BABAM2: variants seen among roughly 807,000 people sequenced by gnomAD.
The protein encoded by BABAM2 is BRISC and BRCA1 A complex member 2.
BABAM2 carries 31 observed loss-of-function variants against 54.7 expected under a neutral mutation model. The ratio of observed to expected loss-of-function variants is 0.57; its 90% CI spans 0.43 to 0.77. The LOEUF is 0.77. Ranked by LOEUF, BABAM2 falls within the 30% of genes least tolerant of loss-of-function variation. The probability of loss-of-function intolerance (pLI) is 0.00; values close to 1 mark genes in which losing one functional copy is unlikely to be tolerated. For missense variants in BABAM2, 364 were observed against 455.8 expected (o/e 0.80, Z 1.83); for synonymous variants, 167 against 162.9 (o/e 1.03, Z -0.19).
At chr2:28,047,251 G>A (rs929021092) in intron 6 of BABAM2, among the ~76,000 whole-genome samples, 1 of 152,108 alleles carries the variant, frequency 6.6e-6, no homozygotes, top group Non-Finnish European at 1.5e-5. Flanking sequence ...TGATAACCAA[G>A]CATAATTAAT....
chr2:28,067,679 G>A (rs183066005), intron 6 of BABAM2, among the ~76,000 whole-genome samples: 11 of 152,250 alleles, frequency 7.2e-5, no homozygotes, highest in African/African-American at 2.6e-4. Flanking sequence ...AAACAGTCAA[G>A]GTACAAAGTG....
chr2:28,223,045 A>G (rs1680561682), intron 7 of BABAM2, among the ~76,000 whole-genome samples: 1 of 152,230 alleles, frequency 6.6e-6, no homozygotes, highest in Non-Finnish European at 1.5e-5. Flanking sequence ...TTTTAAAAGT[A>G]AAAGATGCAG....
At chr2:28,206,616 T>A (rs1318448606) in intron 7 of BABAM2, among the ~76,000 whole-genome samples, 1 of 152,188 alleles carries the variant, frequency 6.6e-6, no homozygotes, top group African/African-American at 2.4e-5. Context: ...CCAAGTCTTG[T>A]GTCTTTCCTT....
intron 6 of BABAM2, among the ~76,000 whole-genome samples, chr2:28,060,915 A>G (rs1351026841): frequency 6.6e-6 from 1 of 152,246 alleles, no homozygotes; most frequent in Non-Finnish European, 1.5e-5. Context: ...ATTGGCATAT[A>G]GATCTGGCAC....
chr2:27,970,938 T>C (rs780282803), intron 3 of BABAM2, among the ~76,000 whole-genome samples: 7 of 152,168 alleles, frequency 4.6e-5, no homozygotes, highest in Non-Finnish European at 1.0e-4. Context: ...TCTTCATGGC[T>C]GTATTCAGTT....
At chr2:28,335,227 G>A (rs541646513) in intron 11 of BABAM2, among the ~76,000 whole-genome samples, 25 of 141,304 alleles carry the variant, frequency 1.8e-4, no homozygotes, top group African/African-American at 5.9e-4. Context: ...GCCATGGTGC[G>A]GACGTGATCT....
At chr2:28,026,054 A>C (rs1474518976) in intron 5 of BABAM2, among the ~76,000 whole-genome samples, 1 of 151,720 alleles carries the variant, frequency 6.6e-6, no homozygotes. Flanking sequence ...ACCAGTTAGA[A>C]TGGCCATAAT....
At chr2:27,966,707 G>A (rs781018390) in intron 3 of BABAM2, among the ~76,000 whole-genome samples, 55 of 152,340 alleles carry the variant, frequency 3.6e-4, no homozygotes, top group Admixed American at 1.0e-3. Context: ...CTGGCTGGCC[G>A]TAGTGAGTTG....
intron 6 of BABAM2, among the ~76,000 whole-genome samples, chr2:28,046,331 G>T (rs1677569135): frequency 6.6e-6 from 1 of 152,066 alleles, no homozygotes; most frequent in Non-Finnish European, 1.5e-5. Flanking sequence ...ATGGTGGCAG[G>T]CTCCTATAAT....
chr2:28,113,835 G>T (rs1406817409), intron 6 of BABAM2, among the ~76,000 whole-genome samples: 2 of 152,030 alleles, frequency 1.3e-5, no homozygotes, highest in South Asian at 2.1e-4. Context: ...TTGAGCAATG[G>T]TTTGTAGTTC....
intron 6 of BABAM2, among the ~76,000 whole-genome samples, chr2:28,112,197 C>T (rs12994832): frequency 0.11 from 2,906 of 25,416 alleles, 689 homozygotes; most frequent in South Asian, 0.26. Flanking sequence ...CTCCCTCCCT[C>T]CCTTCCTTCC....
At chr2:28,160,331 A>T (rs1286210772) in intron 7 of BABAM2, among the ~76,000 whole-genome samples, 1 of 152,162 alleles carries the variant, frequency 6.6e-6, no homozygotes, top group Non-Finnish European at 1.5e-5. Context: ...CATGGAGCTT[A>T]GTGTATGGTT....
intron 4 of BABAM2, chr2:28,015,988 G>A: frequency 1.7e-6 from 1 of 594,440 alleles, no homozygotes; most frequent in South Asian, 1.6e-5. Flanking sequence ...TTCTTTCTCA[G>A]TTGCATCTTT....
At position 27,907,518 on chromosome 2, in the gene BABAM2, TGTG is replaced by T. The variant is rs375959568; in HGVS notation, c.128+12837_128+12839del. On this transcript the variant is annotated intron_variant, in intron 2 of 11. Transcript: ENST00000379624. ...GGGCTTGGCACATTATGTTTTATAA[TGTG>T]GTAAAATATACATAACATAAATTTA... Among the ~76,000 whole-genome samples, 995 of 152,314 alleles carry T rather than the reference TGTG, an allele frequency of 6.5e-3. 8 individuals are homozygous for T. The highest frequency in any genetic ancestry group is 0.023 in the African/African-American group (946 of 41,572).
At chr2:28,321,770 A>T (rs1165843421) in intron 11 of BABAM2, among the ~76,000 whole-genome samples, 1 of 151,820 alleles carries the variant, frequency 6.6e-6, no homozygotes, top group Non-Finnish European at 1.5e-5. Flanking sequence ...CTAGCTTTTT[A>T]AAAATAAACT....
At chr2:27,904,165 A>G (rs1480464229) in intron 2 of BABAM2, among the ~76,000 whole-genome samples, 3 of 152,216 alleles carry the variant, frequency 2.0e-5, no homozygotes, top group Non-Finnish European at 2.9e-5. Flanking sequence ...TCAGAACAGC[A>G]TGCAATTTAA....
chr2:28,102,238 G>A (rs1272324441), intron 6 of BABAM2, among the ~76,000 whole-genome samples: 2 of 152,134 alleles, frequency 1.3e-5, no homozygotes, highest in Admixed American at 6.5e-5. Flanking sequence ...ACTGTGCTTG[G>A]GTAATACATG....
intron 4 of BABAM2, among the ~76,000 whole-genome samples, chr2:27,998,718 C>T (rs1428483774): frequency 6.6e-6 from 1 of 152,076 alleles, no homozygotes; most frequent in Non-Finnish European, 1.5e-5. Flanking sequence ...CCATCTTTCC[C>T]CTTACTGTGA....
At chr2:28,261,822 A>T (rs1343553597) in intron 10 of BABAM2, among the ~76,000 whole-genome samples, 4 of 128,928 alleles carry the variant, frequency 3.1e-5, no homozygotes, top group African/African-American at 1.2e-4. Flanking sequence ...TCCAGACCTG[A>T]CCTATGCAAT....
Sources: allele counts gnomAD v4.1 joint callset (sites outside exome capture counted in the v4.1 genomes callset), GRCh38; gene constraint gnomAD v4.1.1; transcripts MANE v1.5; gene names NCBI Gene and HGNC (gene_info 2026-07-23, HGNC 2026-07-21).